Variants in NCK1 observed in about 807,000 individuals in gnomAD.
NCK1 encodes SH2/SH3 adapter protein NCK1.
Under a neutral mutation model 36.6 loss-of-function variants are expected in NCK1, and 19 were observed. That is an observed-to-expected ratio of 0.52 (90% CI 0.36 to 0.76). The LOEUF is 0.76. NCK1 is among the 30% of genes least tolerant of loss of function. The pLI, the probability that NCK1 is intolerant of heterozygous loss-of-function variation, is 0.00. For synonymous variants in NCK1, 165 were observed against 156.0 expected (o/e 1.06, Z -0.43); for missense variants, 358 against 445.6 (o/e 0.80, Z 1.77).
intron 1 of NCK1, among the ~76,000 whole-genome samples, chr3:136,904,847 T>TA (rs397728080): frequency 9.3e-5 from 14 of 151,204 alleles, no homozygotes; most frequent in South Asian, 2.1e-4. Context: ...TTTTTTTTTT[T>TA]AATTATTACT....
Position 136,928,180 on chromosome 3 carries a change from A to AG in NCK1, c.179_180insG (p.Asn60LysfsTer26). 6.2e-7 allele frequency: 1 copy of AG among 1,614,214 alleles called. No individual in the cohort carries two copies. The highest frequency in any genetic ancestry group is 8.5e-7 in the Non-Finnish European group (1 of 1,180,038). On this transcript the variant is annotated frameshift_variant, in exon 2 of 4. Transcript: ENST00000481752. LOFTEE classifies it high-confidence loss of function. ...CCTTCTAACTATGTGGAAAGGAAAA[A>AG]CAGTGCTCGGAAAGCATCTATTGTG...
intron 1 of NCK1, among the ~76,000 whole-genome samples, chr3:136,892,495 A>G (rs1300075363): frequency 6.6e-6 from 1 of 152,178 alleles, no homozygotes. Flanking sequence ...TGATGCTGAA[A>G]GCAGAAATCT....
At chr3:136,872,932 A>G (rs1388816640) in intron 1 of NCK1, among the ~76,000 whole-genome samples, 1 of 152,224 alleles carries the variant, frequency 6.6e-6, no homozygotes, top group African/African-American at 2.4e-5. Context: ...AAATGCTTGG[A>G]TGCCCAGGCA....
chr3:136,900,015 C>T (rs1262933983), intron 1 of NCK1: 2 of 642,918 alleles, frequency 3.1e-6, no homozygotes, highest in African/African-American at 3.7e-5. Context: ...ATCATCATCA[C>T]TGTCAGAGTC....
At chr3:136,882,476 A>T (rs1207742956) in intron 1 of NCK1, among the ~76,000 whole-genome samples, 1 of 152,166 alleles carries the variant, frequency 6.6e-6, no homozygotes, top group Non-Finnish European at 1.5e-5. Context: ...AGATTTCTGC[A>T]TTAATGATAC....
chr3:136,912,499 T>C (rs1172902023), intron 1 of NCK1, among the ~76,000 whole-genome samples: 2 of 152,124 alleles, frequency 1.3e-5, no homozygotes, highest in Admixed American at 6.5e-5. Context: ...AGTCTTTTTT[T>C]TTTTTTTATG....
In NCK1 at chr3:136,922,003, T is replaced by A. The variant is rs1576979039; in HGVS notation, c.-18-5981T>A. On this transcript the variant is annotated intron_variant, in intron 1 of 3. Transcript: ENST00000481752. ...TTTCACCATGTTGGCCAGGATGGTC[T>A]TAGTTTCCTGACCTCGTGATCTGCC... Among the ~76,000 whole-genome samples, 3 of 152,272 alleles carry A rather than the reference T, an allele frequency of 2.0e-5. No individual in the cohort carries two copies. The East Asian group carries it at 5.8e-4, about 29-fold the overall frequency.
At chr3:136,906,911 A>C in intron 1 of NCK1, among the ~76,000 whole-genome samples, 1 of 151,970 alleles carries the variant, frequency 6.6e-6, no homozygotes, top group East Asian at 1.9e-4. Flanking sequence ...GGTTACTGAG[A>C]GGGATGGAGC....
chr3:136,924,825 A>G (rs1184047278), intron 1 of NCK1, among the ~76,000 whole-genome samples: 1 of 152,182 alleles, frequency 6.6e-6, no homozygotes, highest in Non-Finnish European at 1.5e-5. Context: ...TATCATGCTC[A>G]AGGTCGTCAC....
At chr3:136,934,533 G>T (rs1403750557) in intron 2 of NCK1, among the ~76,000 whole-genome samples, 1 of 152,036 alleles carries the variant, frequency 6.6e-6, no homozygotes, top group Non-Finnish European at 1.5e-5. Flanking sequence ...TGATCCATCC[G>T]CCTCAGTCTC....
At chr3:136,945,547 A>G in intron 2 of NCK1, 36 bp from the exon 3 acceptor site, 5 of 1,347,996 alleles carry the variant, frequency 3.7e-6, no homozygotes, top group South Asian at 1.4e-5. Context: ...TCATTTTTTT[A>G]TATTCTCCTC....
intron 1 of NCK1, among the ~76,000 whole-genome samples, chr3:136,875,646 C>A (rs1384605166): frequency 2.0e-5 from 3 of 151,472 alleles, no homozygotes; most frequent in Non-Finnish European, 4.4e-5. Flanking sequence ...CACCCAGATT[C>A]ATAAAGCAAG....
At chr3:136,883,092 G>A (rs575035184) in intron 1 of NCK1, among the ~76,000 whole-genome samples, 1 of 152,136 alleles carries the variant, frequency 6.6e-6, no homozygotes, top group Non-Finnish European at 1.5e-5. Flanking sequence ...CTAATTTTTT[G>A]TGTTTTTTAG....
intron 1 of NCK1, among the ~76,000 whole-genome samples, chr3:136,900,587 CT>C (rs1939516027): frequency 6.6e-6 from 1 of 151,886 alleles, no homozygotes; most frequent in African/African-American, 2.4e-5. Context: ...TTTGTGCCCT[CT>C]TTATTTTATC....
At chr3:136,927,120 C>T (rs557631568) in intron 1 of NCK1, among the ~76,000 whole-genome samples, 9 of 152,078 alleles carry the variant, frequency 5.9e-5, no homozygotes, top group Admixed American at 2.6e-4. Flanking sequence ...TCCAAGTGTG[C>T]GCCACCATAC....
intron 1 of NCK1, among the ~76,000 whole-genome samples, chr3:136,911,956 A>G (rs769371596): frequency 2.0e-4 from 30 of 152,114 alleles, no homozygotes; most frequent in Middle Eastern, 3.4e-3. Flanking sequence ...CTGATGAGAA[A>G]TCTGCTTATA....
At chr3:136,907,179 TC>T (rs1325138697) in intron 1 of NCK1, among the ~76,000 whole-genome samples, 1 of 152,122 alleles carries the variant, frequency 6.6e-6, no homozygotes, top group Non-Finnish European at 1.5e-5. Context: ...GTGGAATTTT[TC>T]CTCAGTGCAT....
chr3:136,942,341 G>A (rs890039898), intron 2 of NCK1, among the ~76,000 whole-genome samples: 1 of 152,200 alleles, frequency 6.6e-6, no homozygotes, highest in African/African-American at 2.4e-5. Context: ...GTGAGTGGTT[G>A]TTGTTTGCTT....
At chr3:136,874,668 C>T (rs1441937848) in intron 1 of NCK1, among the ~76,000 whole-genome samples, 2 of 152,046 alleles carry the variant, frequency 1.3e-5, no homozygotes, top group East Asian at 3.9e-4. Flanking sequence ...TTGTCTTTCT[C>T]CTGTGTTAAA....
Sources: gnomAD v4.1 joint callset for allele counts (sites outside exome capture counted in the v4.1 genomes callset) on GRCh38, gnomAD v4.1.1 for gene constraint, MANE v1.5 for transcripts, NCBI Gene and HGNC (gene_info 2026-07-23, HGNC 2026-07-21) for gene names.